MAGI1: variants seen among roughly 807,000 people sequenced by gnomAD.
The protein encoded by MAGI1 is membrane-associated guanylate kinase, WW and PDZ domain-containing protein 1.
A neutral mutation model predicts 139.9 loss-of-function variants in MAGI1; 58 were observed. That is an observed-to-expected ratio of 0.41 (90% confidence interval 0.34 to 0.52). The LOEUF is 0.52. Ranked by LOEUF, MAGI1 falls within the 20% of genes least tolerant of loss-of-function variation. MAGI1 has a pLI of 0.12. For missense variants in MAGI1, 1,874 were observed against 1,901.6 expected (o/e 0.99, Z 0.27); for synonymous variants, 812 against 737.9 (o/e 1.10, Z -1.63).
chr3:65,643,213 G>A (rs761557100), intron 1 of MAGI1, among the ~76,000 whole-genome samples: 2 of 152,220 alleles, frequency 1.3e-5, no homozygotes, highest in Non-Finnish European at 2.9e-5. Context: ...TCAGTTCAGG[G>A]TCCCTTAGAA....
At chr3:65,729,776 G>C (rs2107726580) in intron 1 of MAGI1, among the ~76,000 whole-genome samples, 1 of 152,270 alleles carries the variant, frequency 6.6e-6, no homozygotes, top group East Asian at 1.9e-4. Flanking sequence ...CTCTGAATTT[G>C]TCTACTGCAA....
At chr3:65,738,673 C>T (rs189758828) in intron 1 of MAGI1, among the ~76,000 whole-genome samples, 1 of 152,210 alleles carries the variant, frequency 6.6e-6, no homozygotes, top group South Asian at 2.1e-4. Flanking sequence ...TTAACAGGCA[C>T]GAAAACAACA....
intron 1 of MAGI1, among the ~76,000 whole-genome samples, chr3:66,006,114 C>G (rs1292599845): frequency 6.6e-6 from 1 of 152,172 alleles, no homozygotes; most frequent in Non-Finnish European, 1.5e-5. Context: ...CAGACACAGC[C>G]AAGTAAACAG....
intron 2 of MAGI1, among the ~76,000 whole-genome samples, chr3:65,548,522 T>TC (rs1170866435): frequency 2.6e-5 from 3 of 115,482 alleles, no homozygotes; most frequent in Non-Finnish European, 3.4e-5. Context: ...TTTTTTTTTT[T>TC]TTTTTTTTTT....
chr3:65,692,764 G>A (rs2088793956), intron 1 of MAGI1, among the ~76,000 whole-genome samples: 1 of 152,120 alleles, frequency 6.6e-6, no homozygotes, highest in South Asian at 2.1e-4. Flanking sequence ...GACTGAGTCT[G>A]TTACAAAAAC....
intron 1 of MAGI1, among the ~76,000 whole-genome samples, chr3:65,644,379 A>G (rs761301656): frequency 4.0e-5 from 6 of 150,806 alleles, no homozygotes; most frequent in African/African-American, 1.5e-4. Context: ...AATTATGAAC[A>G]CACTTGAAAC....
chr3:65,930,276 A>C (rs889880197), intron 1 of MAGI1, among the ~76,000 whole-genome samples: 1 of 142,572 alleles, frequency 7.0e-6, no homozygotes, highest in Non-Finnish European at 1.5e-5. Context: ...AGATAGCGCC[A>C]CTGCACTCCA....
intron 1 of MAGI1, among the ~76,000 whole-genome samples, chr3:65,899,016 G>A (rs1181470929): frequency 6.6e-6 from 1 of 152,112 alleles, no homozygotes; most frequent in African/African-American, 2.4e-5. Context: ...CAACTTCCCA[G>A]GCTCGGGTGA....
chr3:65,796,293 G>A (rs2040145008), intron 1 of MAGI1, among the ~76,000 whole-genome samples: 1 of 152,068 alleles, frequency 6.6e-6, no homozygotes, highest in African/African-American at 2.4e-5. Flanking sequence ...GATTGATGAG[G>A]CCAATCCCCA....
intron 1 of MAGI1, among the ~76,000 whole-genome samples, chr3:65,832,570 C>G (rs753903754): frequency 6.6e-6 from 1 of 152,032 alleles, no homozygotes. Flanking sequence ...TAGATGCTCC[C>G]TTCTCTGTGC....
At chr3:65,597,995 G>A (rs2082306608) in intron 2 of MAGI1, 1 of 441,490 alleles carries the variant, frequency 2.3e-6, no homozygotes, top group Admixed American at 2.4e-5. Flanking sequence ...CCACAGAGCG[G>A]TTTTTCGAGG....
At chr3:65,955,057 C>A (rs2064048136) in intron 1 of MAGI1, among the ~76,000 whole-genome samples, 1 of 152,066 alleles carries the variant, frequency 6.6e-6, no homozygotes, top group Admixed American at 6.6e-5. Flanking sequence ...GCAGTTTTAA[C>A]CTCTCTCATC....
At chr3:65,573,794 A>G (rs1345151037) in intron 2 of MAGI1, among the ~76,000 whole-genome samples, 1 of 152,148 alleles carries the variant, frequency 6.6e-6, no homozygotes, top group Non-Finnish European at 1.5e-5. Context: ...AAGATGTAAA[A>G]CTTTTATTAT....
At chr3:65,424,007 T>C (rs879299861) in intron 12 of MAGI1, among the ~76,000 whole-genome samples, 20 of 152,226 alleles carry the variant, frequency 1.3e-4, no homozygotes, top group Non-Finnish European at 2.5e-4. Context: ...ACTGCCTTCA[T>C]TTCACAAGGA....
chr3:65,724,419 T>C (rs537015523), intron 1 of MAGI1, among the ~76,000 whole-genome samples: 78 of 152,210 alleles, frequency 5.1e-4, no homozygotes, highest in Non-Finnish European at 1.0e-3. Context: ...CACCTGAGTA[T>C]AGTCATAACT....
At chr3:65,600,074 G>A (rs889141572) in intron 2 of MAGI1, among the ~76,000 whole-genome samples, 9 of 152,104 alleles carry the variant, frequency 5.9e-5, no homozygotes, top group Non-Finnish European at 1.0e-4. Context: ...AAAAAGAAAA[G>A]CAGATACTAC....
chr3:65,713,256 A>C (rs2031738689), intron 1 of MAGI1, among the ~76,000 whole-genome samples: 2 of 152,114 alleles, frequency 1.3e-5, no homozygotes, highest in Admixed American at 1.3e-4. Flanking sequence ...AGCCTTAGCA[A>C]AGCTGCAGCC....
At chr3:65,652,052 T>G (rs1434861866) in intron 1 of MAGI1, among the ~76,000 whole-genome samples, 1 of 152,190 alleles carries the variant, frequency 6.6e-6, no homozygotes, top group Non-Finnish European at 1.5e-5. Flanking sequence ...ACTTCAACAA[T>G]TATTTATATA....
At chr3:65,967,418 A>G (rs1320371791) in intron 1 of MAGI1, among the ~76,000 whole-genome samples, 3 of 152,216 alleles carry the variant, frequency 2.0e-5, no homozygotes, top group African/African-American at 7.2e-5. Context: ...GGTTACGCCA[A>G]TAATGTCAGG....
Sources: allele counts gnomAD v4.1 joint callset (sites outside exome capture counted in the v4.1 genomes callset), GRCh38; gene constraint gnomAD v4.1.1; transcripts MANE v1.5; gene names NCBI Gene and HGNC (gene_info 2026-07-23, HGNC 2026-07-21).